Variants in ESRRB observed in about 807,000 individuals in gnomAD.
The protein encoded by ESRRB is estrogen related receptor beta.
Under a neutral mutation model 46.0 loss-of-function variants are expected in ESRRB, and 16 were observed. That is an observed-to-expected ratio of 0.35 (90% CI 0.24 to 0.53). The LOEUF is 0.53. Among genes scored for constraint, ESRRB ranks in the 20% least tolerant of loss-of-function variants. The pLI is 0.93. For synonymous variants in ESRRB, 246 were observed against 259.6 expected (o/e 0.95, Z 0.50); for missense variants, 488 against 607.4 (o/e 0.80, Z 2.07).
intron 1 of ESRRB, among the ~76,000 whole-genome samples, chr14:76,346,420 C>A (rs1353742748): frequency 6.6e-6 from 1 of 152,236 alleles, no homozygotes; most frequent in Admixed American, 6.5e-5. Flanking sequence ...CCGGGGCACC[C>A]ATCCCTGGCT....
Position 76,415,996 on chromosome 14 carries a change from C to T in ESRRB, c.51-23345C>T, listed in dbSNP as rs1448683873. Among the ~76,000 whole-genome samples the T allele has an allele frequency of 3.9e-5, 6 of 152,148 alleles. No homozygotes were observed. The East Asian group carries it at 1.2e-3, about 29-fold the overall frequency. On this transcript the variant is annotated intron_variant, in intron 1 of 6. Coordinates refer to ENST00000644823, the MANE Select transcript of ESRRB (RefSeq NM_001379180.1). The stretch of plus-strand genomic sequence containing the variant: ...TTATCCTCTTTACACAGTTTCATAC[C>T]ATATTACAGTATTAAATAATTTGAA...
intron 1 of ESRRB, among the ~76,000 whole-genome samples, chr14:76,313,193 G>A (rs867540596): frequency 2.6e-5 from 4 of 152,094 alleles, no homozygotes; most frequent in Admixed American, 6.5e-5. Context: ...TTGGCCCATC[G>A]GGCTTAGTTA....
intron 1 of ESRRB, among the ~76,000 whole-genome samples, chr14:76,385,652 T>C (rs1454501959): frequency 6.6e-6 from 1 of 152,214 alleles, no homozygotes; most frequent in African/African-American, 2.4e-5. Context: ...TCCTACCCAC[T>C]GCTCTCCCAC....
At chr14:76,419,377 G>A (rs1177608450) in intron 1 of ESRRB, among the ~76,000 whole-genome samples, 1 of 152,206 alleles carries the variant, frequency 6.6e-6, no homozygotes, top group African/African-American at 2.4e-5. Context: ...GGGACACGGT[G>A]CTGGGTTCAG....
intron 5 of ESRRB, among the ~76,000 whole-genome samples, chr14:76,487,598 A>G (rs1412578645): frequency 6.6e-6 from 1 of 150,708 alleles, no homozygotes; most frequent in East Asian, 1.9e-4. Flanking sequence ...TCTTTCTAGG[A>G]TAAATTTCTT....
intron 1 of ESRRB, among the ~76,000 whole-genome samples, chr14:76,432,189 A>G (rs935631987): frequency 3.3e-5 from 5 of 152,158 alleles, no homozygotes; most frequent in African/African-American, 4.8e-5. Context: ...GTTTTGGCTC[A>G]CATACTTGGG....
In ESRRB at chr14:76,333,072, T is replaced by TATATA. The variant is rs1884063619; in HGVS notation, c.2+22157_2+22161dup. ...ATATTATATATTATATATTATATAT[T>TATATA]ATATATATTATTTATATTATATATT... On this transcript the variant is annotated intron_variant, in intron 1 of 6. Transcript: ENST00000512784. Among the ~76,000 whole-genome samples the TATATA allele has an allele frequency of 3.7e-4, 3 of 8,004 alleles. 1 individual carries two copies. The highest frequency in any genetic ancestry group is 6.8e-4 in the Non-Finnish European group (3 of 4,442). 5.3% of individuals were successfully genotyped at this position (8,004 alleles called of 152,430 possible). A position where few individuals can be genotyped will look rare whatever the true frequency, so the allele number is the denominator to read the frequency against.
intron 2 of ESRRB, among the ~76,000 whole-genome samples, chr14:76,445,395 C>T (rs1022441729): frequency 3.5e-5 from 5 of 140,992 alleles, no homozygotes; most frequent in African/African-American, 1.3e-4. Context: ...TGCTTGAACC[C>T]GGGAGGCAGA....
intron 1 of ESRRB, among the ~76,000 whole-genome samples, chr14:76,356,716 G>T (rs758532439): frequency 6.6e-5 from 10 of 152,194 alleles, no homozygotes; most frequent in African/African-American, 2.4e-4. Flanking sequence ...AGGGGAGGGG[G>T]CAGGTCCCTT....
intron 1 of ESRRB, among the ~76,000 whole-genome samples, chr14:76,394,722 C>G (rs147632328): frequency 6.6e-4 from 100 of 152,244 alleles, no homozygotes; most frequent in Non-Finnish European, 1.4e-3. Flanking sequence ...GCGTTGAGGG[C>G]CTCTTTGACC....
intron 1 of ESRRB, among the ~76,000 whole-genome samples, chr14:76,395,788 A>C (rs574068615): frequency 7.0e-6 from 1 of 143,568 alleles, no homozygotes; most frequent in South Asian, 2.2e-4. Context: ...GAGTTATTAT[A>C]TATTTTTCCA....
intron 1 of ESRRB, among the ~76,000 whole-genome samples, chr14:76,326,580 G>A (rs903659037): frequency 7.2e-5 from 11 of 152,184 alleles, no homozygotes; most frequent in Admixed American, 3.3e-4. Context: ...TGTTGCTGGC[G>A]TTTGTGGACA....
intron 3 of ESRRB, among the ~76,000 whole-genome samples, chr14:76,469,228 A>G (rs1889255894): frequency 6.6e-6 from 1 of 151,864 alleles, no homozygotes; most frequent in Non-Finnish European, 1.5e-5. Context: ...CAAGTAGCTG[A>G]GATTATAGGC....
At chr14:76,361,621 T>A (rs1372996735) in intron 1 of ESRRB, among the ~76,000 whole-genome samples, 1 of 152,222 alleles carries the variant, frequency 6.6e-6, no homozygotes, top group Non-Finnish European at 1.5e-5. Context: ...CTGTTCTTTT[T>A]ACACCTGTTG....
At chr14:76,323,461 CACT>C (rs906497263) in intron 1 of ESRRB, among the ~76,000 whole-genome samples, 7 of 152,064 alleles carry the variant, frequency 4.6e-5, no homozygotes, top group African/African-American at 1.4e-4. Context: ...AGGCATGTAC[CACT>C]ATGCCTGGCT....
intron 1 of ESRRB, among the ~76,000 whole-genome samples, chr14:76,354,573 C>A (rs968718455): frequency 6.6e-6 from 1 of 151,788 alleles, no homozygotes; most frequent in African/African-American, 2.4e-5. Context: ...TTACCACAGT[C>A]CCTTGTTCTG....
At chr14:76,477,777 G>A (rs1366200419) in intron 3 of ESRRB, among the ~76,000 whole-genome samples, 7 of 152,154 alleles carry the variant, frequency 4.6e-5, no homozygotes, top group East Asian at 1.9e-4. Context: ...ATTGATACAC[G>A]TATTGATTGG....
chr14:76,436,738 C>A (rs1034535227), intron 1 of ESRRB, among the ~76,000 whole-genome samples: 2 of 151,968 alleles, frequency 1.3e-5, no homozygotes, highest in African/African-American at 4.8e-5. Flanking sequence ...GTGGCAGTGC[C>A]CAGGGAGATG....
At chr14:76,345,861 A>G (rs1884243832) in intron 1 of ESRRB, among the ~76,000 whole-genome samples, 1 of 152,214 alleles carries the variant, frequency 6.6e-6, no homozygotes, top group Non-Finnish European at 1.5e-5. Context: ...TTAGGTAGGT[A>G]CTGTGTGCCA....
Sources: gnomAD v4.1 joint callset for allele counts (sites outside exome capture counted in the v4.1 genomes callset) on GRCh38, gnomAD v4.1.1 for gene constraint, MANE v1.5 for transcripts, NCBI Gene and HGNC (gene_info 2026-07-23, HGNC 2026-07-21) for gene names.